ADARB2: variants seen among roughly 807,000 people sequenced by gnomAD.
ADARB2 encodes adenosine deaminase RNA specific B2 (inactive).
ADARB2 carries 25 observed loss-of-function variants against 62.2 expected under a neutral mutation model. The observed-to-expected ratio is 0.40, with a 90% CI of 0.29 to 0.56. The LOEUF is 0.56. Among genes scored for constraint, ADARB2 ranks in the 20% least tolerant of loss-of-function variants. ADARB2 has a pLI of 0.43. For missense variants in ADARB2, 1,071 were observed against 1,077.4 expected, an observed-to-expected ratio of 0.99 and a Z score of 0.08; for synonymous variants, 572 against 500.8, an observed-to-expected ratio of 1.14 and a Z score of -1.90.
rs1832638373 is a variant in ADARB2, at chr10:1,398,888, G to A, written c.101-19728C>T. Among the ~76,000 whole-genome samples, 1 of 152,058 alleles carries A rather than the reference G, an allele frequency of 6.6e-6. No homozygotes were observed. Among genetic ancestry groups the A allele is most frequent in the South Asian group, 2.1e-4 (1 of 4,824 alleles). On this transcript the variant is annotated intron_variant, in intron 1 of 9. Coordinates refer to ENST00000381312, the MANE Select transcript of ADARB2 (RefSeq NM_018702.4). The surrounding 1 kb of genome is among the most constrained non-coding windows in gnomAD (Gnocchi z 4.1). ...GGGAAACAGACCGCTCTGTCTTTGG[G>A]GTCTTGATGGGTAGAGTGGTTTGCC...
chr10:1,212,404 C>T (rs1294693030), intron 7 of ADARB2, among the ~76,000 whole-genome samples: 2 of 152,224 alleles, frequency 1.3e-5, no homozygotes, highest in Non-Finnish European at 2.9e-5. Flanking sequence ...GGTCTATGCT[C>T]AGGTCTGATT....
intron 1 of ADARB2, among the ~76,000 whole-genome samples, chr10:1,687,621 C>T (rs541315892): frequency 9.3e-5 from 14 of 150,542 alleles, no homozygotes; most frequent in South Asian, 4.2e-4. Context: ...ATAGTGCAAA[C>T]GCATTAAATT....
chr10:1,726,169 T>A (rs929914266), intron 1 of ADARB2, among the ~76,000 whole-genome samples: 1 of 152,220 alleles, frequency 6.6e-6, no homozygotes, highest in Non-Finnish European at 1.5e-5. Context: ...GTAGCACATA[T>A]GACAGAATTT....
chr10:1,319,640 A>G (rs1379369096), intron 3 of ADARB2, among the ~76,000 whole-genome samples: 1 of 152,214 alleles, frequency 6.6e-6, no homozygotes, highest in African/African-American at 2.4e-5. Context: ...TGACGAATGG[A>G]TAGCTGGCAT....
chr10:1,206,268 T>A (rs1837064162), intron 7 of ADARB2, among the ~76,000 whole-genome samples: 1 of 152,178 alleles, frequency 6.6e-6, no homozygotes. Context: ...CGATTCCTCC[T>A]TAAGCCGGCT....
At chr10:1,528,331 T>C (rs1028511062) in intron 1 of ADARB2, among the ~76,000 whole-genome samples, 2 of 152,216 alleles carry the variant, frequency 1.3e-5, no homozygotes, top group Non-Finnish European at 2.9e-5. Context: ...TCAAGCTGCG[T>C]TGGTATCGAT....
chr10:1,286,392 G>A (rs1831414696), intron 3 of ADARB2, among the ~76,000 whole-genome samples: 1 of 152,178 alleles, frequency 6.6e-6, no homozygotes, highest in African/African-American at 2.4e-5. Context: ...CCTGTTTTCT[G>A]ACAATTACAA....
chr10:1,305,363 A>G (rs1198240356), intron 3 of ADARB2, among the ~76,000 whole-genome samples: 1 of 152,034 alleles, frequency 6.6e-6, no homozygotes, highest in South Asian at 2.1e-4. Flanking sequence ...AAGAAGTTGA[A>G]TCTCTGAATA....
chr10:1,680,250 C>T (rs1248275597), intron 1 of ADARB2, among the ~76,000 whole-genome samples: 1 of 152,118 alleles, frequency 6.6e-6, no homozygotes, highest in African/African-American at 2.4e-5. Context: ...ACCACTCATA[C>T]AAACTGCTTG....
chr10:1,289,472 GGGA>G lies in ADARB2; in HGVS notation c.1078-18406_1078-18404del, dbSNP rs138736405. Among the ~76,000 whole-genome samples, 1,014 of 152,384 alleles carry G rather than the reference GGGA, an allele frequency of 6.7e-3. 13 individuals are homozygous for G. The highest frequency in any genetic ancestry group is 0.023 in the African/African-American group (957 of 41,596). ...GGGTTCACGTTGGGGACCTGGAAGA[GGGA>G]GGAGGAGGCCTTCAGGGGGAGGCCT... On this transcript the variant is annotated intron_variant, in intron 3 of 9. Coordinates refer to ENST00000381312, the MANE Select transcript of ADARB2 (RefSeq NM_018702.4).
At chr10:1,587,900 G>T (rs773129635) in intron 1 of ADARB2, among the ~76,000 whole-genome samples, 2 of 151,986 alleles carry the variant, frequency 1.3e-5, no homozygotes, top group Admixed American at 6.6e-5. Flanking sequence ...CTTGACTGCC[G>T]CCATGTAAGA....
intron 3 of ADARB2, among the ~76,000 whole-genome samples, chr10:1,354,149 A>C (rs1422982649): frequency 6.6e-6 from 1 of 152,040 alleles, no homozygotes; most frequent in African/African-American, 2.4e-5. Context: ...TACCACCCCC[A>C]AAAATTTTCG....
At chr10:1,544,740 G>A (rs1302090806) in intron 1 of ADARB2, among the ~76,000 whole-genome samples, 1 of 152,008 alleles carries the variant, frequency 6.6e-6, no homozygotes, top group African/African-American at 2.4e-5. Flanking sequence ...ACATAATAAA[G>A]TTTATATGAT....
At chr10:1,609,211 TCA>T (rs1454170283) in intron 1 of ADARB2, among the ~76,000 whole-genome samples, 1 of 152,202 alleles carries the variant, frequency 6.6e-6, no homozygotes, top group Non-Finnish European at 1.5e-5. Flanking sequence ...GGCTGCTGCC[TCA>T]CACGTCCGGG....
intron 1 of ADARB2, among the ~76,000 whole-genome samples, chr10:1,530,531 G>C (rs535795780): frequency 1.3e-5 from 2 of 152,226 alleles, no homozygotes; most frequent in East Asian, 3.9e-4. Context: ...GCCACAGGAC[G>C]AGACTCCTTG....
rs1299164223 is a variant in ADARB2 at position 1,565,057 on chromosome 10, G to A, written c.100+171994C>T. Among the ~76,000 whole-genome samples the A allele has an allele frequency of 3.9e-5, 6 of 152,246 alleles. No individual in the cohort carries two copies. In the East Asian group the frequency reaches 5.8e-4, roughly 15 times the overall value. ...CCCTCCCTCCCGTGCAGGGCTCTCCGCTCTCCTCGCCTGGAATGATACCAT... is the reference window on the plus strand; with the variant it reads ...CCCTCCCTCCCGTGCAGGGCTCTCCACTCTCCTCGCCTGGAATGATACCAT... On this transcript the variant is annotated intron_variant, in intron 1 of 9. Coordinates refer to ENST00000381312, the MANE Select transcript of ADARB2 (RefSeq NM_018702.4).
At chr10:1,450,410 C>G (rs1389567529) in intron 1 of ADARB2, among the ~76,000 whole-genome samples, 1 of 152,232 alleles carries the variant, frequency 6.6e-6, no homozygotes, top group Non-Finnish European at 1.5e-5. Context: ...GCATGCAGAG[C>G]TGCCCCTGCC....
intron 8 of ADARB2, among the ~76,000 whole-genome samples, chr10:1,191,603 G>A (rs950757685): frequency 3.9e-5 from 6 of 152,258 alleles, no homozygotes; most frequent in South Asian, 2.1e-4. Context: ...AACCTGGTAC[G>A]TAACTCAGGG....
intron 1 of ADARB2, among the ~76,000 whole-genome samples, chr10:1,458,567 C>T (rs1241042073): frequency 1.3e-5 from 2 of 152,326 alleles, no homozygotes; most frequent in South Asian, 2.1e-4. Context: ...GAGGGAGGCC[C>T]CGCAGACCCC....
Sources: allele counts gnomAD v4.1 joint callset (sites outside exome capture counted in the v4.1 genomes callset), GRCh38; gene constraint gnomAD v4.1.1; non-coding constraint Gnocchi (gnomAD v3.1); transcripts MANE v1.5; gene names NCBI Gene and HGNC (gene_info 2026-07-23, HGNC 2026-07-21).